The following FARP2 variants were observed in gnomAD, a reference collection of about 807,000 sequenced individuals.
The protein encoded by FARP2 is FERM, ARHGEF and pleckstrin domain-containing protein 2.
In FARP2, 111 loss-of-function variants were observed where a neutral mutation model predicts 130.5. The observed-to-expected ratio is 0.85, with a 90% CI of 0.73 to 1.00. FARP2 has a LOEUF of 1.00. Ranked by LOEUF, FARP2 falls within the 50% of genes least tolerant of loss-of-function variation. The probability of loss-of-function intolerance (pLI) is 0.00; values close to 1 mark genes in which losing one functional copy is unlikely to be tolerated. For synonymous variants in FARP2, 504 were observed against 516.9 expected (o/e 0.98, Z 0.34); for missense variants, 1,385 against 1,346.3 (o/e 1.03, Z -0.45).
At chr2:241,441,610 C>T (rs757767317) in intron 13 of FARP2, 54 bp downstream of exon 13, 2 of 1,612,790 alleles carry the variant, frequency 1.2e-6, no homozygotes, top group Non-Finnish European at 1.7e-6. Flanking sequence ...TGCTGGGGGG[C>T]AGAGTTTCAG....
At chr2:241,379,357 G>A (rs1307676337) in intron 2 of FARP2, among the ~76,000 whole-genome samples, 1 of 152,236 alleles carries the variant, frequency 6.6e-6, no homozygotes, top group Non-Finnish European at 1.5e-5. Context: ...CCCTGGCAGC[G>A]AATGTCCTTT....
At chr2:241,361,263 C>T (rs2061179753) in intron 1 of FARP2, among the ~76,000 whole-genome samples, 1 of 152,180 alleles carries the variant, frequency 6.6e-6, no homozygotes, top group East Asian at 1.9e-4. Context: ...GGCCCTTCAC[C>T]TTTATTTCAT....
rs780095491 is a variant in FARP2, at chr2:241,463,376, G to A, written c.1719G>A (p.Ala573=). The stretch of plus-strand genomic sequence containing the variant: ...TGGTGAAGGAGGACGCCATGCCTGC[G>A]ACTCTGATGACGCTGCTCTTCTCCA... ...SAVVKEDAMP[A]TLMTLLFSNI... Residue 573 remains alanine, a synonymous_variant, in exon 16 of 27, where the codon GCG becomes GCA. Coordinates refer to ENST00000264042, the MANE Select transcript of FARP2 (RefSeq NM_014808.4). 45 of 1,613,964 alleles carry A rather than the reference G, an allele frequency of 2.8e-5. No individual in the cohort carries two copies. The highest frequency in any genetic ancestry group is 3.3e-4 in the Middle Eastern group (2 of 6,084).
chr2:241,415,989 CTGTGTGTGTGTGTGTGTGTGTG>C lies in FARP2; in HGVS notation c.624-1949_624-1928del, dbSNP rs57774022. ...AAAGAACTGGACCCTCAGGGTAGTTCTGTGTGTGTGTGTGTGTGTGTGTGTGTGTGTGTGTGTGTGTGTGTCT... is the reference window on the plus strand; with the variant it reads ...AAAGAACTGGACCCTCAGGGTAGTTCTGTGTGTGTGTGTGTGTGTGTGTCT... On this transcript the variant is annotated intron_variant, in intron 7 of 26. Transcript: ENST00000264042. Among the ~76,000 whole-genome samples the C allele has an allele frequency of 1.2e-3, 175 of 141,768 alleles. 1 individual carries two copies. The East Asian group carries it at 0.032, about 26-fold the overall frequency. 93.0% of individuals were successfully genotyped at this position (141,768 alleles called of 152,430 possible). A position where few individuals can be genotyped will look rare whatever the true frequency, so the allele number is the denominator to read the frequency against.
chr2:241,466,013 A>G (rs1233817119), intron 17 of FARP2: 5 of 1,343,982 alleles, frequency 3.7e-6, no homozygotes, highest in Middle Eastern at 2.8e-4. Flanking sequence ...AAATATACAC[A>G]AATCTGTTTG....
At chr2:241,378,270 ATT>A (rs141659095) in intron 2 of FARP2, among the ~76,000 whole-genome samples, 5 of 141,512 alleles carry the variant, frequency 3.5e-5, no homozygotes, top group East Asian at 2.1e-4. Flanking sequence ...CCCGGCTAAT[ATT>A]TTTTTTTTTT....
intron 2 of FARP2, among the ~76,000 whole-genome samples, chr2:241,388,623 T>A (rs936304694): frequency 6.6e-6 from 1 of 152,262 alleles, no homozygotes; most frequent in Non-Finnish European, 1.5e-5. Flanking sequence ...ATATACTTTT[T>A]AAAATAACTC....
At position 241,376,499 on chromosome 2, in the gene FARP2, T is replaced by A. The variant is rs564077189; in HGVS notation, c.183+3209T>A. Among the ~76,000 whole-genome samples, 150 of 146,456 alleles carry A rather than the reference T, an allele frequency of 1.0e-3. 1 individual carries two copies. In the South Asian group the frequency reaches 0.032, roughly 31 times the overall value. On this transcript the variant is annotated intron_variant, in intron 2 of 26. Coordinates refer to ENST00000264042, the MANE Select transcript of FARP2 (RefSeq NM_014808.4). ...AAGGTTTGGTGTCAGTGGGCTGGTGTGTAGGGCCTGCCCTGAGTGGGCAGA... is the reference window on the plus strand; with the variant it reads ...AAGGTTTGGTGTCAGTGGGCTGGTGAGTAGGGCCTGCCCTGAGTGGGCAGA...
At chr2:241,439,489 C>G in intron 12 of FARP2, among the ~76,000 whole-genome samples, 1 of 152,102 alleles carries the variant, frequency 6.6e-6, no homozygotes, top group African/African-American at 2.4e-5. Context: ...GCCACAATGC[C>G]TGGCTGATTT....
chr2:241,360,599 G>A (rs1194795029), intron 1 of FARP2, among the ~76,000 whole-genome samples: 6 of 151,194 alleles, frequency 4.0e-5, no homozygotes, highest in African/African-American at 1.2e-4. Flanking sequence ...ACTTGAACCC[G>A]AGAGGTGGAG....
At position 241,404,855 on chromosome 2, in the gene FARP2, T is replaced by C. The variant is rs759912669; in HGVS notation, c.331+14T>C. The stretch of plus-strand genomic sequence containing the variant: ...GGCAAATACGAAGTAAGTCCTTGGT[T>C]TGACTCTTTAAAATCTGTTTGTTTA... On this transcript the variant is annotated intron_variant, in intron 4 of 26. Transcript: ENST00000264042. 43 of 1,598,716 alleles carry C rather than the reference T, an allele frequency of 2.7e-5. No homozygotes were observed. In the African/African-American group the frequency reaches 4.4e-4, roughly 16 times the overall value.
chr2:241,467,339 A>G (rs2064197290), intron 17 of FARP2, among the ~76,000 whole-genome samples: 1 of 151,972 alleles, frequency 6.6e-6, no homozygotes, highest in South Asian at 2.1e-4. Context: ...ACATGTATAC[A>G]TGTGTTGTAA....
At chr2:241,492,440 G>A (rs900166218) in intron 24 of FARP2, among the ~76,000 whole-genome samples, 1 of 152,164 alleles carries the variant, frequency 6.6e-6, no homozygotes. Context: ...CTGAAGGCGG[G>A]AGGCTCATGT....
At chr2:241,464,859 A>G (rs969408481) in intron 17 of FARP2, among the ~76,000 whole-genome samples, 2 of 152,014 alleles carry the variant, frequency 1.3e-5, no homozygotes, top group Non-Finnish European at 2.9e-5. Context: ...CTCAGAAAAG[A>G]GTCTGGCTCA....
At chr2:241,432,687 A>G (rs2063122802) in intron 9 of FARP2, among the ~76,000 whole-genome samples, 1 of 152,254 alleles carries the variant, frequency 6.6e-6, no homozygotes. Flanking sequence ...AATGAGTAAA[A>G]ATGGAAAAAA....
chr2:241,466,698 C>CCACCA, intron 17 of FARP2: 1 of 629,626 alleles, frequency 1.6e-6, no homozygotes, highest in Non-Finnish European at 1.9e-6. Flanking sequence ...CACCCCCCCC[C>CCACCA]CCACCACCAC....
At chr2:241,416,733 A>G (rs1354020942) in intron 7 of FARP2, among the ~76,000 whole-genome samples, 1 of 152,044 alleles carries the variant, frequency 6.6e-6, no homozygotes, top group Non-Finnish European at 1.5e-5. Flanking sequence ...CCTGGGCAAC[A>G]TGACAAAACC....
At chr2:241,485,861 C>T (rs928993644) in intron 21 of FARP2, among the ~76,000 whole-genome samples, 1 of 151,248 alleles carries the variant, frequency 6.6e-6, no homozygotes, top group Non-Finnish European at 1.5e-5. Flanking sequence ...GTCCTCCCTC[C>T]CTGGAGTCCT....
intron 26 of FARP2, 36 bp from the exon 27 acceptor site, chr2:241,493,972 A>G: frequency 8.0e-7 from 1 of 1,254,962 alleles, no homozygotes; most frequent in Non-Finnish European, 1.1e-6. Context: ...TGAGCACAAG[A>G]TGGCTCACTG....
Sources: gnomAD v4.1 joint callset for allele counts (sites outside exome capture counted in the v4.1 genomes callset) on GRCh38, gnomAD v4.1.1 for gene constraint, MANE v1.5 for transcripts, NCBI Gene and HGNC (gene_info 2026-07-23, HGNC 2026-07-21) for gene names.